The following CLMP variants were observed in gnomAD, a reference collection of about 807,000 sequenced individuals.
CLMP encodes CXADR like cell adhesion molecule.
A neutral mutation model predicts 45.2 loss-of-function variants in CLMP; 27 were observed. The observed-to-expected ratio is 0.60, with a 90% confidence interval of 0.44 to 0.82. The LOEUF is 0.82. CLMP is among the 40% of genes least tolerant of loss of function. The pLI is 0.00. For synonymous variants in CLMP, 167 were observed against 171.4 expected (o/e 0.97, Z 0.20); for missense variants, 403 against 448.4 (o/e 0.90, Z 0.91).
chr11:123,085,145 C>T (rs1480341933), intron 2 of CLMP, among the ~76,000 whole-genome samples: 4 of 149,412 alleles, frequency 2.7e-5, no homozygotes, highest in African/African-American at 4.9e-5. Flanking sequence ...AAGGGAAGGT[C>T]GAGCTTGGAA....
intron 1 of CLMP, among the ~76,000 whole-genome samples, chr11:123,193,569 T>C (rs1286637725): frequency 6.6e-6 from 1 of 152,212 alleles, no homozygotes; most frequent in Non-Finnish European, 1.5e-5. Context: ...ACTTGAGCAA[T>C]AGTTTGGCTT....
At chr11:123,153,130 C>T (rs567058244) in intron 1 of CLMP, among the ~76,000 whole-genome samples, 2 of 152,316 alleles carry the variant, frequency 1.3e-5, no homozygotes, top group South Asian at 4.1e-4. Flanking sequence ...CGGCATCTCT[C>T]TGGACCACGC....
intron 1 of CLMP, among the ~76,000 whole-genome samples, chr11:123,177,422 C>T (rs774759004): frequency 1.3e-5 from 2 of 152,158 alleles, no homozygotes; most frequent in Non-Finnish European, 2.9e-5. Context: ...GAACCCTCAG[C>T]TGGAGGACCA....
At chr11:123,115,214 A>ATT (rs202122945) in intron 1 of CLMP, among the ~76,000 whole-genome samples, 11 of 144,420 alleles carry the variant, frequency 7.6e-5, no homozygotes, top group East Asian at 2.0e-4. Flanking sequence ...GCTAATTTAA[A>ATT]TTTTTTTTTT....
intron 1 of CLMP, among the ~76,000 whole-genome samples, chr11:123,115,632 T>C (rs1860710446): frequency 6.6e-6 from 1 of 152,120 alleles, no homozygotes; most frequent in Non-Finnish European, 1.5e-5. Context: ...TGGTTACTCC[T>C]GGAGTAAGCA....
chr11:123,097,904 A>G lies in CLMP; in HGVS notation c.77T>C (p.Val26Ala). The G allele has an allele frequency of 6.2e-7, 1 of 1,607,246 alleles. No homozygotes were observed. The highest frequency in any genetic ancestry group is 2.2e-5 in the East Asian group (1 of 44,470). Residue 26 changes from valine (V) to alanine (A), a missense_variant, in exon 2 of 7, where the codon GTG becomes GCG. By Grantham distance (64) the Val-to-Ala change is moderately conservative. Coordinates refer to ENST00000448775, the MANE Select transcript of CLMP (RefSeq NM_024769.5). ...GGGCAAAGTGACCTTTTCCTCTGCC[A>G]CTCTCTTGATCTCAGTGTGAGTCCC... ...TLGTHTEIKR[V>A]AEEKVTLPCH...
intron 1 of CLMP, among the ~76,000 whole-genome samples, chr11:123,140,576 A>G (rs1861139800): frequency 6.6e-6 from 1 of 151,650 alleles, no homozygotes; most frequent in Non-Finnish European, 1.5e-5. Flanking sequence ...CTACCCCCGA[A>G]CCCTCACACT....
chr11:123,143,315 C>T (rs1323456183), intron 1 of CLMP, among the ~76,000 whole-genome samples: 1 of 152,234 alleles, frequency 6.6e-6, no homozygotes, highest in Non-Finnish European at 1.5e-5. Context: ...CCCTCACTTT[C>T]AACCAAGTCA....
At chr11:123,146,158 G>A (rs745917608) in intron 1 of CLMP, among the ~76,000 whole-genome samples, 21 of 152,140 alleles carry the variant, frequency 1.4e-4, no homozygotes, top group Admixed American at 1.2e-3. Flanking sequence ...ACACCTCCAG[G>A]CATCATTTCT....
At chr11:123,105,874 T>C (rs1218860620) in intron 1 of CLMP, among the ~76,000 whole-genome samples, 1 of 151,624 alleles carries the variant, frequency 6.6e-6, no homozygotes, top group Non-Finnish European at 1.5e-5. Flanking sequence ...TGGAGTACAG[T>C]AGCGCAATCT....
intron 1 of CLMP, among the ~76,000 whole-genome samples, chr11:123,145,001 C>A (rs948517166): frequency 6.6e-6 from 1 of 152,000 alleles, no homozygotes; most frequent in Middle Eastern, 3.2e-3. Flanking sequence ...AATTGAAATG[C>A]ATAGTGAATG....
intron 1 of CLMP, among the ~76,000 whole-genome samples, chr11:123,113,604 G>A (rs1031329833): frequency 4.6e-5 from 7 of 152,158 alleles, no homozygotes; most frequent in South Asian, 2.1e-4. Flanking sequence ...TTGGCAGATC[G>A]GAACATCACT....
intron 4 of CLMP, 80 bp downstream of exon 4, chr11:123,083,600 G>C: frequency 7.1e-7 from 1 of 1,416,706 alleles, no homozygotes; most frequent in Non-Finnish European, 1.0e-6. Context: ...CACATAGTGA[G>C]TTGCTGAGAA....
At chr11:123,150,521 AAGGAAGGAAAGAAACAAGC>A (rs1335913941) in intron 1 of CLMP, among the ~76,000 whole-genome samples, 2 of 128,538 alleles carry the variant, frequency 1.6e-5, no homozygotes, top group African/African-American at 6.1e-5. Flanking sequence ...GGAAGGAAGG[AAGGAAGGAAAGAAACAAGC>A]AAGGAAGGAA....
At chr11:123,108,639 G>C (rs1185186274) in intron 1 of CLMP, among the ~76,000 whole-genome samples, 1 of 152,092 alleles carries the variant, frequency 6.6e-6, no homozygotes, top group East Asian at 1.9e-4. Context: ...AGGAAGGGAA[G>C]TGGGGGATGG....
At chr11:123,086,973 C>T (rs770124608) in intron 2 of CLMP, among the ~76,000 whole-genome samples, 9 of 152,188 alleles carry the variant, frequency 5.9e-5, no homozygotes, top group Non-Finnish European at 1.0e-4. Flanking sequence ...GCAAGCAGAT[C>T]ACTTGAAGTC....
At chr11:123,128,055 G>T (rs1241303475) in intron 1 of CLMP, among the ~76,000 whole-genome samples, 1 of 134,808 alleles carries the variant, frequency 7.4e-6, no homozygotes, top group African/African-American at 3.0e-5. Context: ...AAAAAAAAAG[G>T]TAATACATCA....
intron 1 of CLMP, among the ~76,000 whole-genome samples, chr11:123,165,987 T>C (rs1861550759): frequency 6.6e-6 from 1 of 152,170 alleles, no homozygotes; most frequent in South Asian, 2.1e-4. Context: ...CTTAAAAAGG[T>C]CTTAAATTTC....
At chr11:123,105,367 C>CCCTCCCTT (rs1860527714) in intron 1 of CLMP, among the ~76,000 whole-genome samples, 1 of 103,566 alleles carries the variant, frequency 9.7e-6, no homozygotes, top group East Asian at 3.7e-4. Flanking sequence ...CTCCCTCCCT[C>CCCTCCCTT]CCTCCCTCCC....
Sources: allele counts gnomAD v4.1 joint callset (sites outside exome capture counted in the v4.1 genomes callset), GRCh38; gene constraint gnomAD v4.1.1; transcripts MANE v1.5; gene names NCBI Gene and HGNC (gene_info 2026-07-23, HGNC 2026-07-21).